Variants in OPCML observed in about 807,000 individuals in gnomAD.
OPCML encodes the protein opioid binding protein/cell adhesion molecule like.
OPCML carries 13 observed loss-of-function variants against 37.8 expected under a neutral mutation model. That is an observed-to-expected ratio of 0.34 (90% CI 0.22 to 0.55). The LOEUF (loss-of-function observed/expected upper bound fraction) is 0.55. OPCML is among the 20% of genes least tolerant of loss of function. OPCML has a pLI of 0.91. For missense variants in OPCML, 341 were observed against 435.6 expected (o/e 0.78, Z 1.93); for synonymous variants, 176 against 168.8 (o/e 1.04, Z -0.33).
intron 2 of OPCML, among the ~76,000 whole-genome samples, chr11:132,793,018 G>A (rs1412449493): frequency 6.6e-6 from 1 of 152,190 alleles, no homozygotes; most frequent in Non-Finnish European, 1.5e-5. Flanking sequence ...AGGGCGATAC[G>A]GGCAGCGGCG....
At chr11:132,738,793 A>T (rs1353394695) in intron 2 of OPCML, among the ~76,000 whole-genome samples, 1 of 152,340 alleles carries the variant, frequency 6.6e-6, no homozygotes, top group African/African-American at 2.4e-5. Flanking sequence ...ATTTTACATT[A>T]ATTAAAAACC....
At chr11:132,776,778 G>A (rs1309674228) in intron 2 of OPCML, among the ~76,000 whole-genome samples, 4 of 152,062 alleles carry the variant, frequency 2.6e-5, no homozygotes, top group Non-Finnish European at 5.9e-5. Context: ...ACACAAGAAT[G>A]GACTGACACA....
intron 1 of OPCML, among the ~76,000 whole-genome samples, chr11:133,140,525 T>TGAAGAAGAAGAAG (rs1555102101): frequency 7.0e-5 from 4 of 57,042 alleles, no homozygotes; most frequent in Admixed American, 2.4e-4. Context: ...ATAATAATAA[T>TGAAGAAGAAGAAG]AATAATAAGA....
intron 2 of OPCML, among the ~76,000 whole-genome samples, chr11:132,750,043 T>G (rs1056481351): frequency 3.3e-5 from 5 of 151,954 alleles, no homozygotes; most frequent in Non-Finnish European, 7.4e-5. Context: ...CCACCATGCC[T>G]GGTTAATTTT....
intron 1 of OPCML, among the ~76,000 whole-genome samples, chr11:133,209,426 T>G (rs1209439484): frequency 5.3e-5 from 8 of 152,078 alleles, no homozygotes; most frequent in Admixed American, 5.2e-4. Context: ...AGTTCGAAAA[T>G]AGAAATGCAA....
At chr11:132,593,159 C>T (rs2096487234) in intron 3 of OPCML, among the ~76,000 whole-genome samples, 1 of 152,148 alleles carries the variant, frequency 6.6e-6, no homozygotes, top group Non-Finnish European at 1.5e-5. Context: ...GGGCAGGAGC[C>T]TGTGTGAAGG....
At chr11:132,593,770 A>G (rs1305020088) in intron 3 of OPCML, among the ~76,000 whole-genome samples, 1 of 152,220 alleles carries the variant, frequency 6.6e-6, no homozygotes, top group East Asian at 1.9e-4. Flanking sequence ...AAATTAATCA[A>G]TTAATGGTTA....
chr11:133,415,621 G>A (rs1945744148), intron 1 of OPCML, among the ~76,000 whole-genome samples: 3 of 152,192 alleles, frequency 2.0e-5, no homozygotes, highest in South Asian at 4.1e-4. Context: ...AGGCATCTGT[G>A]CCCTGATCCC....
At chr11:133,353,146 C>T (rs539832041) in intron 1 of OPCML, among the ~76,000 whole-genome samples, 3 of 152,126 alleles carry the variant, frequency 2.0e-5, no homozygotes, top group South Asian at 4.1e-4. Flanking sequence ...TTCCTTTGCC[C>T]TGTAAGCCCC....
chr11:133,235,398 A>C (rs1940467830), intron 1 of OPCML, among the ~76,000 whole-genome samples: 1 of 152,182 alleles, frequency 6.6e-6, no homozygotes, highest in Admixed American at 6.5e-5. Flanking sequence ...CCAGATATTT[A>C]CATGGGGACC....
chr11:133,070,435 C>T (rs1307755206), intron 1 of OPCML, among the ~76,000 whole-genome samples: 1 of 152,140 alleles, frequency 6.6e-6, no homozygotes, highest in Non-Finnish European at 1.5e-5. Flanking sequence ...TTCATAATCT[C>T]TACCCAGCAT....
intron 2 of OPCML, among the ~76,000 whole-genome samples, chr11:132,888,211 T>A (rs898287384): frequency 6.6e-6 from 1 of 152,170 alleles, no homozygotes; most frequent in Non-Finnish European, 1.5e-5. Context: ...ATGGCCAAGA[T>A]CTGGGTGGGA....
rs977147814 is a variant in OPCML, at chr11:132,543,718, T to C, written c.380-14532A>G. Among the ~76,000 whole-genome samples the C allele has an allele frequency of 8.5e-5, 13 of 152,202 alleles. No homozygotes were observed. In the Middle Eastern group the frequency reaches 0.01, roughly 119 times the overall value. On this transcript the variant is annotated intron_variant, in intron 3 of 7. Coordinates refer to ENST00000524381, the MANE Select transcript of OPCML (RefSeq NM_001012393.5). ...TACACAGTAATGGTTCTTTATAATA[T>C]AGAAAGTACAACACATAAGCCAAGT...
intron 1 of OPCML, among the ~76,000 whole-genome samples, chr11:133,186,550 A>G (rs931898648): frequency 3.3e-5 from 5 of 152,106 alleles, no homozygotes; most frequent in Middle Eastern, 6.8e-3. Context: ...GAGAGGGGTA[A>G]GGGAGAAGGG....
At chr11:132,926,561 C>T (rs970738795) in intron 2 of OPCML, among the ~76,000 whole-genome samples, 7 of 152,180 alleles carry the variant, frequency 4.6e-5, no homozygotes, top group African/African-American at 7.2e-5. Context: ...TAAGCCATCA[C>T]ATCCTGCTGA....
chr11:132,954,173 G>A (rs865966537), intron 1 of OPCML, among the ~76,000 whole-genome samples: 50 of 151,838 alleles, frequency 3.3e-4, no homozygotes, highest in Middle Eastern at 3.4e-3. Flanking sequence ...GTTTTGGTGG[G>A]AGGACCAATG....
intron 1 of OPCML, among the ~76,000 whole-genome samples, chr11:133,245,397 G>A (rs1211069214): frequency 1.3e-5 from 2 of 152,058 alleles, no homozygotes; most frequent in African/African-American, 4.8e-5. Flanking sequence ...TTCCTTTATC[G>A]CAAACCAACT....
intron 3 of OPCML, among the ~76,000 whole-genome samples, chr11:132,632,738 G>A (rs1340796203): frequency 1.3e-5 from 2 of 151,884 alleles, no homozygotes; most frequent in Admixed American, 6.6e-5. Context: ...TGTCATATCC[G>A]CCTTTCAGTT....
At chr11:133,290,507 G>A (rs905006964) in intron 1 of OPCML, among the ~76,000 whole-genome samples, 1 of 152,214 alleles carries the variant, frequency 6.6e-6, no homozygotes, top group African/African-American at 2.4e-5. Flanking sequence ...GGATGTGATA[G>A]TAAGTGTGGC....
Sources: allele counts gnomAD v4.1 joint callset (sites outside exome capture counted in the v4.1 genomes callset), GRCh38; gene constraint gnomAD v4.1.1; transcripts MANE v1.5; gene names NCBI Gene and HGNC (gene_info 2026-07-23, HGNC 2026-07-21).